The following ATRNL1 variants were observed in gnomAD, a reference collection of about 807,000 sequenced individuals.
ATRNL1 encodes attractin like 1.
A neutral mutation model predicts 182.7 loss-of-function variants in ATRNL1; 95 were observed. The observed-to-expected ratio is 0.52, with a 90% CI of 0.44 to 0.62. The LOEUF (loss-of-function observed/expected upper bound fraction) is 0.62. ATRNL1 is among the 20% of genes least tolerant of loss of function. The probability of loss-of-function intolerance (pLI) is 0.00; values close to 1 mark genes in which losing one functional copy is unlikely to be tolerated. For missense variants in ATRNL1, 1,471 were observed against 1,679.5 expected, an observed-to-expected ratio of 0.88 and a Z score of 2.17; for synonymous variants, 576 against 568.3, an observed-to-expected ratio of 1.01 and a Z score of -0.19.
At chr10:115,362,035 T>A (rs1856774272) in intron 19 of ATRNL1, among the ~76,000 whole-genome samples, 1 of 152,088 alleles carries the variant, frequency 6.6e-6, no homozygotes, top group Non-Finnish European at 1.5e-5. Flanking sequence ...ATAAACAAAG[T>A]AATCTGATTA....
chr10:115,314,222 C>T (rs577817640), intron 17 of ATRNL1, among the ~76,000 whole-genome samples: 6 of 152,204 alleles, frequency 3.9e-5, no homozygotes, highest in African/African-American at 1.2e-4. Context: ...GGAGGTGATA[C>T]GTACTCTCTA....
intron 21 of ATRNL1, among the ~76,000 whole-genome samples, chr10:115,438,507 G>A (rs1486256549): frequency 1.3e-5 from 2 of 151,838 alleles, no homozygotes; most frequent in Non-Finnish European, 2.9e-5. Context: ...CTAATCATTA[G>A]TTTTTAATAT....
intron 28 of ATRNL1, among the ~76,000 whole-genome samples, chr10:115,912,786 TCTC>T (rs1952723400): frequency 6.6e-6 from 1 of 152,146 alleles, no homozygotes; most frequent in Admixed American, 6.5e-5. Flanking sequence ...CACAATTAAT[TCTC>T]CTGAAATCTT....
At chr10:115,528,047 T>C (rs1325331572) in intron 25 of ATRNL1, among the ~76,000 whole-genome samples, 956 of 71,224 alleles carry the variant, frequency 0.013, 41 homozygotes, top group African/African-American at 0.038. Flanking sequence ...TCTTCCTTCC[T>C]TCCTTCCTTC....
chr10:115,437,904 C>A (rs187890764), intron 21 of ATRNL1, among the ~76,000 whole-genome samples: 1 of 151,834 alleles, frequency 6.6e-6, no homozygotes, highest in Admixed American at 6.6e-5. Context: ...ATGACATAGG[C>A]GGTTTTATCC....
chr10:115,740,832 A>G (rs1948117319), intron 27 of ATRNL1, among the ~76,000 whole-genome samples: 2 of 15,722 alleles, frequency 1.3e-4, no homozygotes, highest in South Asian at 2.7e-3. Flanking sequence ...ACACACACAC[A>G]CACACACACA....
intron 26 of ATRNL1, among the ~76,000 whole-genome samples, chr10:115,693,813 C>A (rs1459351235): frequency 6.6e-6 from 1 of 152,022 alleles, no homozygotes; most frequent in Non-Finnish European, 1.5e-5. Flanking sequence ...AAATTGGGCA[C>A]ACATATATAG....
chr10:115,742,302 C>T (rs1948162211), intron 27 of ATRNL1, among the ~76,000 whole-genome samples: 2 of 151,756 alleles, frequency 1.3e-5, no homozygotes, highest in African/African-American at 4.8e-5. Flanking sequence ...GAGGTGAAAG[C>T]AGAGAAAGGA....
chr10:115,157,007 TA>T (rs1168414915), intron 5 of ATRNL1, among the ~76,000 whole-genome samples: 1 of 152,032 alleles, frequency 6.6e-6, no homozygotes, highest in East Asian at 1.9e-4. Flanking sequence ...TACAAAAATA[TA>T]GTCAGACAGA....
intron 26 of ATRNL1, among the ~76,000 whole-genome samples, chr10:115,677,443 C>T (rs1310823233): frequency 6.6e-6 from 1 of 151,986 alleles, no homozygotes; most frequent in African/African-American, 2.4e-5. Flanking sequence ...AATTGTCTCT[C>T]CCAGAATTCC....
chr10:115,880,869 G>C (rs1367338539), intron 28 of ATRNL1, among the ~76,000 whole-genome samples: 1 of 152,204 alleles, frequency 6.6e-6, no homozygotes, highest in Non-Finnish European at 1.5e-5. Context: ...AGAAGAGAAA[G>C]AGAGGAAGCA....
chr10:115,734,312 A>G (rs2532716), intron 27 of ATRNL1, among the ~76,000 whole-genome samples: 142,435 of 152,148 alleles, frequency 0.94, 67,317 homozygotes, highest in Non-Finnish European at 1. Context: ...TTCTATTTTC[A>G]TGCATCCTTG....
At chr10:115,371,997 G>T (rs1554948184) in intron 19 of ATRNL1, among the ~76,000 whole-genome samples, 1 of 152,118 alleles carries the variant, frequency 6.6e-6, no homozygotes, top group Non-Finnish European at 1.5e-5. Context: ...TGAAAAAGGG[G>T]AGTTTCTCTG....
intron 19 of ATRNL1, among the ~76,000 whole-genome samples, chr10:115,388,641 TTATGTTATA>T (rs1843799015): frequency 6.6e-6 from 1 of 152,030 alleles, no homozygotes; most frequent in Non-Finnish European, 1.5e-5. Flanking sequence ...TTTTTCTCAT[TTATGTTATA>T]TATACACATT....
chr10:115,319,875 G>C (rs376898755), intron 18 of ATRNL1, among the ~76,000 whole-genome samples: 20 of 152,016 alleles, frequency 1.3e-4, no homozygotes, highest in Middle Eastern at 3.4e-3. Context: ...TTAATTGGGG[G>C]ATTTAGCCCA....
intron 24 of ATRNL1, among the ~76,000 whole-genome samples, chr10:115,501,167 C>G (rs1554980028): frequency 6.6e-6 from 1 of 152,048 alleles, no homozygotes; most frequent in Non-Finnish European, 1.5e-5. Context: ...CTCCTAACCT[C>G]AGGTGATCCA....
At chr10:115,353,193 G>T (rs782662199) in intron 19 of ATRNL1, among the ~76,000 whole-genome samples, 1 of 152,140 alleles carries the variant, frequency 6.6e-6, no homozygotes, top group Non-Finnish European at 1.5e-5. Context: ...TTATATTGGA[G>T]TCTGTCTTTC....
chr10:115,143,614 C>T (rs953921562), intron 5 of ATRNL1, among the ~76,000 whole-genome samples: 1 of 152,178 alleles, frequency 6.6e-6, no homozygotes, highest in East Asian at 1.9e-4. Context: ...GGCCACCTTC[C>T]TGGCCCTCTC....
In ATRNL1 at chr10:115,300,020, C is replaced by T; in HGVS notation, c.2416-14C>T. 1.9e-6 allele frequency: 3 copies of T among 1,585,880 alleles called. No homozygotes were observed. The highest frequency in any genetic ancestry group is 8.6e-7 in the Non-Finnish European group (1 of 1,157,598). On this transcript the variant is annotated splice_polypyrimidine_tract_variant and intron_variant, in intron 15 of 28. Transcript: ENST00000355044. The stretch of plus-strand genomic sequence containing the variant: ...CTAACTTTCTTTGAATGCCCCTTTT[C>T]CTGTTGTTTACAGAAAGTATCACCT...
Sources: allele counts gnomAD v4.1 joint callset (sites outside exome capture counted in the v4.1 genomes callset), GRCh38; gene constraint gnomAD v4.1.1; transcripts MANE v1.5; gene names NCBI Gene and HGNC (gene_info 2026-07-23, HGNC 2026-07-21).